SLC35E3: variants seen among roughly 807,000 people sequenced by gnomAD.
SLC35E3 encodes solute carrier family 35 member E3.
In SLC35E3, 28 loss-of-function variants were observed where a neutral mutation model predicts 30.8. That is an observed-to-expected ratio of 0.91 (90% CI 0.67 to 1.25). SLC35E3 has a LOEUF of 1.25. SLC35E3 is among the 50% of genes most tolerant of loss of function. SLC35E3 has a pLI of 0.00. For synonymous variants in SLC35E3, 146 were observed against 149.2 expected (o/e 0.98, Z 0.16); for missense variants, 365 against 375.4 (o/e 0.97, Z 0.23).
intron 3 of SLC35E3, among the ~76,000 whole-genome samples, chr12:68,757,375 A>G (rs1469872291): frequency 6.6e-6 from 1 of 152,218 alleles, no homozygotes; most frequent in Non-Finnish European, 1.5e-5. Context: ...TTTGGAACTT[A>G]AACTTCTTAA....
rs1177213117 is a variant in SLC35E3, at chr12:68,773,241, G to A, written c.*8351G>A. The A allele has an allele frequency of 1.3e-5, 2 of 152,162 alleles. No individual in the cohort carries two copies. The highest frequency in any genetic ancestry group is 2.9e-5 in the Non-Finnish European group (2 of 68,066). 9.4% of individuals were successfully genotyped at this position (152,162 alleles called of 1,614,324 possible). ...AGTAAAAAAGAGTCTACAGTTCAGT[G>A]CAGGATAGGGATGGGTGGGCCTTAA... On this transcript the variant is annotated 3_prime_UTR_variant, in exon 5 of 5. Coordinates refer to ENST00000398004, the MANE Select transcript of SLC35E3 (RefSeq NM_018656.5).
rs933585973 is a variant in SLC35E3, at chr12:68,746,231, A to G, written c.-147A>G. ...GTGTGTGTCCTCTGTTAAGAGTGCT[A>G]CTCGCCCGGGGTTGATCTGTGCATG... On this transcript the variant is annotated 5_prime_UTR_variant, in exon 1 of 5. Transcript: ENST00000398004. 5.7e-6 allele frequency: 4 copies of G among 705,228 alleles called. No homozygotes were observed. The highest frequency in any genetic ancestry group is 9.2e-6 in the Non-Finnish European group (4 of 436,554). The allele number at this position is 705,228 out of a possible 1,614,324, so 43.7% of individuals were successfully genotyped here. A position where few individuals can be genotyped will look rare whatever the true frequency, so the allele number is the denominator to read the frequency against.
chr12:68,751,969 G>T, intron 2 of SLC35E3, 63 bp from the exon 3 acceptor site: 1 of 1,452,184 alleles, frequency 6.9e-7, no homozygotes. Context: ...TCTAGTTGTC[G>T]CATCTTTGAT....
rs926355248 is a variant in SLC35E3, at chr12:68,772,660, A to G, written c.*7770A>G. ...TAACTAAAAATGTCTCGTAACTACT[A>G]TGCCACAAGAACAAGCATGGATACT... On this transcript the variant is annotated 3_prime_UTR_variant, in exon 5 of 5. Coordinates refer to ENST00000398004, the MANE Select transcript of SLC35E3 (RefSeq NM_018656.5). 1 of 152,232 alleles carries G rather than the reference A, an allele frequency of 6.6e-6. No homozygotes were observed. The highest frequency in any genetic ancestry group is 1.5e-5 in the Non-Finnish European group (1 of 68,036). The allele number at this position is 152,232 out of a possible 1,614,324, so 9.4% of individuals were successfully genotyped here.
At chr12:68,758,432 A>G (rs1478670667) in intron 3 of SLC35E3, among the ~76,000 whole-genome samples, 1 of 152,130 alleles carries the variant, frequency 6.6e-6, no homozygotes, top group Non-Finnish European at 1.5e-5. Context: ...AAAAAAAAGA[A>G]AAAGATCTCG....
chr12:68,774,738 AAAAACAAAC>A lies in SLC35E3; in HGVS notation c.*9862_*9870del, dbSNP rs1207267553. Reference sequence around the variant, plus strand: ...GGGCAACAGAGGGAGACCCTGTCTCAAAAACAAACAAAACAAACAAAAATAAGCAAAAAA... The same window carrying A: ...GGGCAACAGAGGGAGACCCTGTCTCAAAAACAAACAAAAATAAGCAAAAAA... On this transcript the variant is annotated 3_prime_UTR_variant, in exon 5 of 5. Transcript: ENST00000398004. 2 of 134,250 alleles carry A rather than the reference AAAAACAAAC, an allele frequency of 1.5e-5. No homozygotes were observed. The highest frequency in any genetic ancestry group is 4.4e-4 in the East Asian group (2 of 4,506). The allele number at this position is 134,250 out of a possible 1,614,324, so 8.3% of individuals were successfully genotyped here. A position where few individuals can be genotyped will look rare whatever the true frequency, so the allele number is the denominator to read the frequency against.
At chr12:68,758,704 T>TGTCTCCCAA (rs1879121692) in intron 3 of SLC35E3, among the ~76,000 whole-genome samples, 1 of 150,074 alleles carries the variant, frequency 6.7e-6, no homozygotes, top group East Asian at 2.0e-4. Flanking sequence ...CAATTCTTAC[T>TGTCTCCCAA]GTCTCCCAAC....
At chr12:68,752,974 C>T (rs1202941816) in intron 3 of SLC35E3, among the ~76,000 whole-genome samples, 2 of 152,052 alleles carry the variant, frequency 1.3e-5, no homozygotes, top group Non-Finnish European at 2.9e-5. Flanking sequence ...GGCAAAACCC[C>T]GTCTCTACTA....
intron 4 of SLC35E3, among the ~76,000 whole-genome samples, chr12:68,762,674 TAAAAG>T (rs1470973085): frequency 2.0e-5 from 3 of 152,222 alleles, no homozygotes; most frequent in Non-Finnish European, 2.9e-5. Context: ...TAAATATACT[TAAAAG>T]AGAAGCTGAG....
chr12:68,773,578 A>AT lies in SLC35E3; in HGVS notation c.*8694dup, dbSNP rs71278215. The AT allele has an allele frequency of 0.31, 47,093 of 151,530 alleles. 8,775 individuals are homozygous for AT. The highest frequency in any genetic ancestry group is 0.43 in the Non-Finnish European group (29,140 of 67,920). 9.4% of individuals were successfully genotyped at this position (151,530 alleles called of 1,614,324 possible). A position where few individuals can be genotyped will look rare whatever the true frequency, so the allele number is the denominator to read the frequency against. ...TGCACCAACAGGCCCAGATAATTTTATTTTTTGTAGAGACGGGGTCTTGCT... is the reference window on the plus strand; with the variant it reads ...TGCACCAACAGGCCCAGATAATTTTATTTTTTTGTAGAGACGGGGTCTTGCT... On this transcript the variant is annotated 3_prime_UTR_variant, in exon 5 of 5. Transcript: ENST00000398004.
At chr12:68,750,811 G>C (rs1878760339) in intron 2 of SLC35E3, among the ~76,000 whole-genome samples, 1 of 152,144 alleles carries the variant, frequency 6.6e-6, no homozygotes, top group Admixed American at 6.5e-5. Flanking sequence ...AAAGCTGGCA[G>C]GAGTATGGTT....
chr12:68,761,236 T>C (rs1239543560), intron 4 of SLC35E3, among the ~76,000 whole-genome samples: 2 of 152,044 alleles, frequency 1.3e-5, no homozygotes, highest in African/African-American at 4.8e-5. Flanking sequence ...AGTAACATGA[T>C]TTTACATACA....
intron 3 of SLC35E3, among the ~76,000 whole-genome samples, chr12:68,758,781 G>T (rs1257097308): frequency 2.3e-4 from 24 of 104,698 alleles, no homozygotes; most frequent in African/African-American, 8.5e-4. Context: ...TTACTCTGTC[G>T]CCCAGGCTGG....
chr12:68,746,584 C>A lies in SLC35E3; in HGVS notation c.207C>A (p.Pro69=), dbSNP rs1017414098. ...GCCAGAAGCTGGACATCTTTGCCCC[C>A]AAAAGTCTGCCGCCCTCCAGGCTCC... ...YICQKLDIFA[P]KSLPPSRLLL... The change falls in exon 1 of 5, where the codon CCC becomes CCA. Residue 69 remains proline (P), a synonymous_variant. Transcript: ENST00000398004. 27 of 1,614,068 alleles carry A rather than the reference C, an allele frequency of 1.7e-5. No homozygotes were observed. The highest frequency in any genetic ancestry group is 2.2e-5 in the Non-Finnish European group (26 of 1,180,016).
intron 3 of SLC35E3, among the ~76,000 whole-genome samples, chr12:68,757,781 T>C (rs1229059504): frequency 6.6e-6 from 1 of 152,152 alleles, no homozygotes; most frequent in African/African-American, 2.4e-5. Flanking sequence ...TGAATGCTTA[T>C]TGAGTTAAAT....
Position 68,750,443 on chromosome 12 carries a change from T to C in SLC35E3, c.514-1589T>C, listed in dbSNP as rs141582564. On this transcript the variant is annotated intron_variant, in intron 2 of 4. Coordinates refer to ENST00000398004, the MANE Select transcript of SLC35E3 (RefSeq NM_018656.5). ...AGTGCAGGAGGCAGTGAGGGAGGAG[T>C]ACAAACCAGAGGGTAGTTCTTCCAA... 9.4e-3 allele frequency among the ~76,000 whole-genome samples: 1,423 copies of C among 151,932 alleles called. 12 individuals carry two copies. Among genetic ancestry groups the C allele is most frequent in the South Asian group, 0.021 (102 of 4,808 alleles).
At chr12:68,756,185 C>G (rs1048697956) in intron 3 of SLC35E3, among the ~76,000 whole-genome samples, 2 of 151,782 alleles carry the variant, frequency 1.3e-5, no homozygotes, top group African/African-American at 4.8e-5. Flanking sequence ...TCCTAGCCAT[C>G]CTGGTTATCT....
At chr12:68,754,047 A>G (rs1330250923) in intron 3 of SLC35E3, among the ~76,000 whole-genome samples, 4 of 152,006 alleles carry the variant, frequency 2.6e-5, no homozygotes, top group African/African-American at 9.7e-5. Flanking sequence ...GGGTTTCACC[A>G]TCTTGGCCAG....
Position 68,759,201 on chromosome 12 carries a change from A to G in SLC35E3, c.717A>G (p.Leu239=), listed in dbSNP as rs1879154725. Residue 239 remains leucine (L), a synonymous_variant, in exon 4 of 5, where the codon TTA becomes TTG. Transcript: ENST00000398004. ...LSGVIAFMVN[L]SIYWIIGNTS... ...GAGTAATAGCTTTCATGGTGAACTT[A>G]TCAATTTATTGGATCATTGGGAACA... 6.2e-7 allele frequency: 1 copy of G among 1,613,610 alleles called. No homozygotes were observed. The highest frequency in any genetic ancestry group is 1.3e-5 in the African/African-American group (1 of 74,902).
Sources: gnomAD v4.1 joint callset for allele counts (sites outside exome capture counted in the v4.1 genomes callset) on GRCh38, gnomAD v4.1.1 for gene constraint, MANE v1.5 for transcripts, NCBI Gene and HGNC (gene_info 2026-07-23, HGNC 2026-07-21) for gene names.